The following PPIG variants were observed in gnomAD, a reference collection of about 807,000 sequenced individuals.
PPIG encodes peptidyl-prolyl cis-trans isomerase G.
PPIG carries 26 observed loss-of-function variants against 87.9 expected under a neutral mutation model. That is an observed-to-expected ratio of 0.30 (90% CI 0.22 to 0.41). The LOEUF is 0.41. Ranked by LOEUF, PPIG falls within the 10% of genes least tolerant of loss-of-function variation. The pLI is 1.00. For synonymous variants in PPIG, 308 were observed against 276.5 expected, an observed-to-expected ratio of 1.11 and a Z score of -1.13; for missense variants, 722 against 879.4, an observed-to-expected ratio of 0.82 and a Z score of 2.26.
chr2:169,606,921 G>C (rs147084742), intron 5 of PPIG, among the ~76,000 whole-genome samples, 183 bp from the exon 6 acceptor site: 18 of 152,144 alleles, frequency 1.2e-4, no homozygotes, highest in African/African-American at 4.1e-4. Context: ...TCATAGCATA[G>C]GGGAAAGAAA....
chr2:169,621,299 T>G (rs1685742121), intron 9 of PPIG, among the ~76,000 whole-genome samples: 1 of 152,078 alleles, frequency 6.6e-6, no homozygotes, highest in Non-Finnish European at 1.5e-5. Context: ...TAAAAAAATT[T>G]TTTTTGTCTG....
intron 5 of PPIG, among the ~76,000 whole-genome samples, chr2:169,606,591 C>CAAAAAAAAAAAAAAAAAAAAAAAAAA (rs71006009): frequency 9.4e-5 from 8 of 85,022 alleles, no homozygotes; most frequent in Admixed American, 1.5e-4. Flanking sequence ...GACTCTGTCT[C>CAAAAAAAAAAAAAAAAAAAAAAAAAA]AAAAAAAAAA....
chr2:169,613,709 G>A (rs1197438717), intron 7 of PPIG, among the ~76,000 whole-genome samples: 1 of 152,064 alleles, frequency 6.6e-6, no homozygotes. Context: ...TGGGAGGATC[G>A]CTTGAACCCA....
At chr2:169,634,652 C>T (rs1249698401) in intron 12 of PPIG, among the ~76,000 whole-genome samples, 1 of 152,176 alleles carries the variant, frequency 6.6e-6, no homozygotes, top group Non-Finnish European at 1.5e-5. Context: ...CTGATTCTCC[C>T]CTTTCAGTTT....
intron 1 of PPIG, among the ~76,000 whole-genome samples, chr2:169,593,174 C>G (rs114147134): frequency 0.027 from 4,133 of 151,414 alleles, 77 homozygotes; most frequent in East Asian, 0.1. Flanking sequence ...AATAGCAGTA[C>G]ATTTATTATT....
intron 1 of PPIG, among the ~76,000 whole-genome samples, chr2:169,585,186 A>G (rs1486748117): frequency 1.3e-5 from 2 of 151,580 alleles, no homozygotes; most frequent in Non-Finnish European, 1.5e-5. Flanking sequence ...TTAGGAGGAG[A>G]TAATTACTCT....
At chr2:169,624,283 A>T (rs1218210247) in intron 9 of PPIG, among the ~76,000 whole-genome samples, 1 of 152,146 alleles carries the variant, frequency 6.6e-6, no homozygotes, top group East Asian at 1.9e-4. Flanking sequence ...TTAATATTAT[A>T]CTAGTAAGTT....
intron 9 of PPIG, among the ~76,000 whole-genome samples, chr2:169,625,800 A>C (rs1414116080): frequency 6.6e-6 from 1 of 151,884 alleles, no homozygotes; most frequent in Non-Finnish European, 1.5e-5. Context: ...TTATTTCATC[A>C]GGGTTTAGGG....
At chr2:169,593,534 C>G in intron 1 of PPIG, among the ~76,000 whole-genome samples, 1 of 152,050 alleles carries the variant, frequency 6.6e-6, no homozygotes, top group East Asian at 1.9e-4. Flanking sequence ...CAGACACACA[C>G]AATAATGATT....
intron 5 of PPIG, among the ~76,000 whole-genome samples, chr2:169,606,532 C>A (rs527356357): frequency 7.6e-6 from 1 of 131,038 alleles, no homozygotes; most frequent in African/African-American, 2.9e-5. Context: ...GTGGAAGTTG[C>A]GGTGAGCTGA....
chr2:169,632,058 A>C lies in PPIG; in HGVS notation c.929+125A>C, dbSNP rs114064344. ...CCAAGATTGAAATCTTTTTTATAAA[A>C]TGTTCTTCCGCAAAGTTCTTTTTTG... is the stretch of plus-strand genomic sequence containing the variant. On this transcript the variant is annotated intron_variant, in intron 11 of 13. Transcript: ENST00000260970. 1.5e-3 allele frequency: 1,843 copies of C among 1,251,850 alleles called. 17 individuals are homozygous for C. The African/African-American group carries it at 0.022, about 15-fold the overall frequency. 77.5% of individuals were successfully genotyped at this position (1,251,850 alleles called of 1,614,324 possible). A position where few individuals can be genotyped will look rare whatever the true frequency, so the allele number is the denominator to read the frequency against.
chr2:169,606,875 A>G (rs1685346112), intron 5 of PPIG, among the ~76,000 whole-genome samples: 1 of 152,182 alleles, frequency 6.6e-6, no homozygotes, highest in African/African-American at 2.4e-5. Flanking sequence ...TTCTTTTTTA[A>G]AATATATTTT....
At chr2:169,625,854 TA>T (rs1231576392) in intron 9 of PPIG, among the ~76,000 whole-genome samples, 2 of 152,154 alleles carry the variant, frequency 1.3e-5, no homozygotes, top group African/African-American at 4.8e-5. Context: ...TCATCAGGCA[TA>T]AGCGTTTAAT....
intron 9 of PPIG, among the ~76,000 whole-genome samples, chr2:169,621,565 T>A (rs1294003091): frequency 6.6e-6 from 1 of 152,034 alleles, no homozygotes; most frequent in Admixed American, 6.6e-5. Context: ...CATTAAAAAA[T>A]ACTAAAAATA....
At chr2:169,599,465 TA>T (rs1028393016) in intron 1 of PPIG, among the ~76,000 whole-genome samples, 3 of 151,398 alleles carry the variant, frequency 2.0e-5, no homozygotes, top group Non-Finnish European at 1.5e-5. Context: ...TACTGTTATT[TA>T]AAAAAAAACC....
intron 9 of PPIG, among the ~76,000 whole-genome samples, chr2:169,625,215 T>G (rs1685853151): frequency 6.6e-6 from 1 of 152,232 alleles, no homozygotes; most frequent in Non-Finnish European, 1.5e-5. Flanking sequence ...AACTGAAACT[T>G]TGTACCCTAG....
chr2:169,608,642 A>C, intron 6 of PPIG, 29 bp from the exon 7 acceptor site: 1 of 1,498,394 alleles, frequency 6.7e-7, no homozygotes, highest in Non-Finnish European at 9.3e-7. Flanking sequence ...TATATCTATA[A>C]TGTAACTGAA....
intron 9 of PPIG, among the ~76,000 whole-genome samples, chr2:169,622,179 G>A (rs894813028): frequency 8.5e-5 from 13 of 152,266 alleles, no homozygotes; most frequent in Non-Finnish European, 1.5e-4. Flanking sequence ...CCAACACCTT[G>A]GGAGGCCGAG....
chr2:169,591,165 T>C (rs1684853262), intron 1 of PPIG, among the ~76,000 whole-genome samples: 1 of 152,254 alleles, frequency 6.6e-6, no homozygotes, highest in Non-Finnish European at 1.5e-5. Context: ...TATATTTTAA[T>C]AATTAGTTGC....
Sources: allele counts gnomAD v4.1 joint callset (sites outside exome capture counted in the v4.1 genomes callset), GRCh38; gene constraint gnomAD v4.1.1; transcripts MANE v1.5; gene names NCBI Gene and HGNC (gene_info 2026-07-23, HGNC 2026-07-21).